The following RBFOX1 variants were observed in gnomAD, a reference collection of about 807,000 sequenced individuals.
The protein encoded by RBFOX1 is RNA binding fox-1 homolog 1.
Under a neutral mutation model 57.7 loss-of-function variants are expected in RBFOX1, and 8 were observed. The observed-to-expected ratio is 0.14, with a 90% CI of 0.08 to 0.25. The LOEUF (loss-of-function observed/expected upper bound fraction) is 0.25, where lower values mean the gene tolerates loss of function less well. Ranked by LOEUF, RBFOX1 falls within the 10% of genes least tolerant of loss-of-function variation. The pLI is 1.00. For missense variants in RBFOX1, 611 were observed against 548.5 expected (o/e 1.11, Z -1.14); for synonymous variants, 326 against 222.4 (o/e 1.47, Z -4.15).
chr16:7,333,771 T>A (rs2096734996), intron 4 of RBFOX1, among the ~76,000 whole-genome samples: 1 of 152,130 alleles, frequency 6.6e-6, no homozygotes, highest in South Asian at 2.1e-4. Context: ...GGGGACCTTT[T>A]TTTTTCCCCC....
intron 3 of RBFOX1, among the ~76,000 whole-genome samples, chr16:5,709,124 T>C (rs1368457124): frequency 2.6e-5 from 4 of 152,198 alleles, no homozygotes; most frequent in Non-Finnish European, 5.9e-5. Context: ...TTTCTGTCTC[T>C]TGCAATCCAA....
rs905155604 is a variant in RBFOX1, at chr16:6,968,048, G to A, written c.-15-84009G>A. Reference sequence around the variant, plus strand: ...GAAGCCATGTGGGCTCACAGTGCTGGGAGGTGCTTGGGTCTGACCCTCGGA... The same window carrying A: ...GAAGCCATGTGGGCTCACAGTGCTGAGAGGTGCTTGGGTCTGACCCTCGGA... On this transcript the variant is annotated intron_variant, in intron 3 of 15. Transcript: ENST00000550418. 2.0e-5 allele frequency among the ~76,000 whole-genome samples: 3 copies of A among 152,136 alleles called. No individual in the cohort carries two copies. The East Asian group carries it at 5.8e-4, about 29-fold the overall frequency.
chr16:6,801,030 T>C (rs1448752282), intron 3 of RBFOX1, among the ~76,000 whole-genome samples: 1 of 152,090 alleles, frequency 6.6e-6, no homozygotes. Flanking sequence ...TTTAATTCAA[T>C]GATACTTAAA....
At chr16:6,362,185 C>T (rs538376216) in intron 2 of RBFOX1, among the ~76,000 whole-genome samples, 2 of 151,920 alleles carry the variant, frequency 1.3e-5, no homozygotes, top group African/African-American at 4.8e-5. Context: ...CACGCCCCCC[C>T]AAAAAACAAA....
chr16:5,502,200 G>T (rs543330979), intron 2 of RBFOX1, among the ~76,000 whole-genome samples: 2 of 152,276 alleles, frequency 1.3e-5, no homozygotes, highest in African/African-American at 4.8e-5. Context: ...TGGCATGGAG[G>T]CAGCAGCTTT....
chr16:5,980,233 G>A (rs1026056640), intron 4 of RBFOX1, among the ~76,000 whole-genome samples: 3 of 152,204 alleles, frequency 2.0e-5, no homozygotes, highest in Non-Finnish European at 4.4e-5. Context: ...CATCTCCCTT[G>A]GCTAAGTGAT....
chr16:5,478,685 T>C (rs2069416663), intron 2 of RBFOX1, among the ~76,000 whole-genome samples: 1 of 152,194 alleles, frequency 6.6e-6, no homozygotes. Context: ...TTCTCCACTG[T>C]TCTTTGTGCC....
chr16:5,339,470 G>GGTTTTTTTTTTTTTTTTTT (rs1567354925), intron 1 of RBFOX1, among the ~76,000 whole-genome samples: 1 of 40,854 alleles, frequency 2.4e-5, no homozygotes, highest in Non-Finnish European at 4.5e-5. Context: ...CTTTTTCCGT[G>GGTTTTTTTTTTTTTTTTTT]TTTTTTTTTT....
At chr16:7,679,858 A>G (rs148468816) in intron 14 of RBFOX1, among the ~76,000 whole-genome samples, 13 of 152,246 alleles carry the variant, frequency 8.5e-5, no homozygotes, top group African/African-American at 2.9e-4. Context: ...AAAATACCTG[A>G]CTGGACTAGG....
intron 3 of RBFOX1, among the ~76,000 whole-genome samples, chr16:5,772,236 C>A (rs1177555340): frequency 2.0e-5 from 3 of 152,170 alleles, no homozygotes; most frequent in Non-Finnish European, 4.4e-5. Context: ...CAGAGACTCA[C>A]CGGTTGCCGG....
chr16:6,842,533 A>C (rs974598549), intron 3 of RBFOX1, among the ~76,000 whole-genome samples: 1 of 152,032 alleles, frequency 6.6e-6, no homozygotes, highest in Non-Finnish European at 1.5e-5. Context: ...TTTCAGCTTG[A>C]TGAATATCTG....
At chr16:7,526,482 T>G (rs1383215611) in intron 5 of RBFOX1, among the ~76,000 whole-genome samples, 3 of 152,154 alleles carry the variant, frequency 2.0e-5, no homozygotes, top group Non-Finnish European at 2.9e-5. Context: ...ACTCCCTTCC[T>G]CAGCTGTGAC....
intron 4 of RBFOX1, among the ~76,000 whole-genome samples, chr16:7,091,719 C>T (rs907839499): frequency 6.6e-6 from 1 of 152,164 alleles, no homozygotes; most frequent in Non-Finnish European, 1.5e-5. Context: ...ATCCTCAGTA[C>T]TGGGGGAGCC....
chr16:6,172,174 C>T lies in RBFOX1; in HGVS notation c.-126-144821C>T, dbSNP rs77042846. 3.6e-3 allele frequency among the ~76,000 whole-genome samples: 547 copies of T among 152,096 alleles called. 3 individuals are homozygous for T. The highest frequency in any genetic ancestry group is 0.024 in the Middle Eastern group (7 of 294). On this transcript the variant is annotated intron_variant, in intron 1 of 15. Transcript: ENST00000550418. ...GTCACACTGCATGGTGGTGGACAAA[C>T]CAGTGCTGAGAATGAGGCCTTGCAG... is the stretch of plus-strand genomic sequence containing the variant.
At chr16:6,850,504 G>C (rs2094003981) in intron 3 of RBFOX1, among the ~76,000 whole-genome samples, 1 of 152,166 alleles carries the variant, frequency 6.6e-6, no homozygotes, top group South Asian at 2.1e-4. Context: ...AATAAGAGAA[G>C]AGATGGGAGA....
intron 1 of RBFOX1, among the ~76,000 whole-genome samples, chr16:5,317,025 G>C (rs1399250161): frequency 6.6e-6 from 1 of 152,158 alleles, no homozygotes; most frequent in African/African-American, 2.4e-5. Context: ...CCAGGTTCTG[G>C]AGCCTTTGGG....
chr16:7,303,642 T>G (rs1190593196), intron 4 of RBFOX1, among the ~76,000 whole-genome samples: 1 of 152,186 alleles, frequency 6.6e-6, no homozygotes, highest in Admixed American at 6.5e-5. Flanking sequence ...ATCTTTCCCC[T>G]GGACCCATTT....
At chr16:7,101,001 G>T (rs1298160453) in intron 4 of RBFOX1, among the ~76,000 whole-genome samples, 1 of 152,156 alleles carries the variant, frequency 6.6e-6, no homozygotes, top group Non-Finnish European at 1.5e-5. Context: ...CAGAGATATA[G>T]TGAAAAAATG....
chr16:6,924,049 A>C (rs1360668230), intron 3 of RBFOX1, among the ~76,000 whole-genome samples: 1 of 151,958 alleles, frequency 6.6e-6, no homozygotes, highest in Admixed American at 6.6e-5. Context: ...ACGTACCTGT[A>C]GTCCCAGCTT....
Sources: allele counts gnomAD v4.1 joint callset (sites outside exome capture counted in the v4.1 genomes callset), GRCh38; gene constraint gnomAD v4.1.1; transcripts MANE v1.5; gene names NCBI Gene and HGNC (gene_info 2026-07-23, HGNC 2026-07-21).